CFAP299: variants seen among roughly 807,000 people sequenced by gnomAD.
The protein encoded by CFAP299 is cilia- and flagella-associated protein 299.
In CFAP299, 21 loss-of-function variants were observed where a neutral mutation model predicts 27.0. That is an observed-to-expected ratio of 0.78 (90% CI 0.55 to 1.12). The LOEUF (loss-of-function observed/expected upper bound fraction) is 1.12. Among genes scored for constraint, CFAP299 ranks in the 50% most tolerant of loss-of-function variants. CFAP299 has a pLI of 0.00. For missense variants in CFAP299, 310 were observed against 276.6 expected, an observed-to-expected ratio of 1.12 and a Z score of -0.86; for synonymous variants, 104 against 98.1, an observed-to-expected ratio of 1.06 and a Z score of -0.36.
At chr4:80,944,096 A>T (rs1366819210) in intron 4 of CFAP299, among the ~76,000 whole-genome samples, 1 of 151,616 alleles carries the variant, frequency 6.6e-6, no homozygotes, top group East Asian at 1.9e-4. Context: ...ATAAATAAAT[A>T]AATAAATAAA....
intron 4 of CFAP299, among the ~76,000 whole-genome samples, chr4:80,895,787 G>C (rs186197445): frequency 8.6e-5 from 13 of 151,978 alleles, no homozygotes; most frequent in Admixed American, 5.9e-4. Flanking sequence ...GGAAGGCAGT[G>C]GTAAGGAAAA....
At chr4:80,581,964 CTAAA>C (rs1402069180) in intron 2 of CFAP299, among the ~76,000 whole-genome samples, 1 of 151,822 alleles carries the variant, frequency 6.6e-6, no homozygotes, top group African/African-American at 2.4e-5. Context: ...TCTGGACTTA[CTAAA>C]TATTTATAAC....
intron 2 of CFAP299, among the ~76,000 whole-genome samples, chr4:80,436,493 G>A (rs1728089319): frequency 2.0e-5 from 3 of 152,010 alleles, no homozygotes; most frequent in South Asian, 4.2e-4. Context: ...TAGTAGAGAC[G>A]GGGTTTCACC....
intron 2 of CFAP299, among the ~76,000 whole-genome samples, chr4:80,413,133 ATG>A (rs1331300358): frequency 2.1e-5 from 3 of 145,520 alleles, no homozygotes; most frequent in Non-Finnish European, 4.6e-5. Context: ...GTGCGATAAC[ATG>A]AAAAGTATGG....
chr4:80,889,346 G>A (rs1022331851), intron 4 of CFAP299, among the ~76,000 whole-genome samples: 1 of 151,798 alleles, frequency 6.6e-6, no homozygotes. Context: ...GCTACTATGA[G>A]CAAATATATG....
At chr4:80,776,049 G>T (rs987356686) in intron 3 of CFAP299, among the ~76,000 whole-genome samples, 3 of 151,988 alleles carry the variant, frequency 2.0e-5, no homozygotes, top group African/African-American at 7.3e-5. Context: ...GTTGCTGTTA[G>T]GTTCAAAGCA....
rs572646633 is a variant in CFAP299, at chr4:80,604,942, C to T, written c.333+21759C>T. Among the ~76,000 whole-genome samples the T allele has an allele frequency of 2.7e-5, 4 of 149,326 alleles. No homozygotes were observed. The South Asian group carries it at 8.5e-4, about 32-fold the overall frequency. ...GGAAAGGATAAGGGAGAGGAGAATT[C>T]TGAACTGCCCAAATATTTTCCTCAG... is the stretch of plus-strand genomic sequence containing the variant. On this transcript the variant is annotated intron_variant, in intron 3 of 5. Coordinates refer to ENST00000358105, the MANE Select transcript of CFAP299 (RefSeq NM_152770.3).
intron 3 of CFAP299, among the ~76,000 whole-genome samples, chr4:80,687,737 C>G (rs900509189): frequency 6.6e-6 from 1 of 152,168 alleles, no homozygotes; most frequent in African/African-American, 2.4e-5. Context: ...GCGTGAGCGA[C>G]GCAGAAGACA....
intron 3 of CFAP299, among the ~76,000 whole-genome samples, chr4:80,686,119 G>T (rs894421813): frequency 2.7e-5 from 4 of 149,538 alleles, no homozygotes; most frequent in African/African-American, 1.0e-4. Flanking sequence ...TAAATCCATG[G>T]GAACTTTAAT....
At chr4:80,614,235 A>G (rs1471545501) in intron 3 of CFAP299, among the ~76,000 whole-genome samples, 1 of 152,174 alleles carries the variant, frequency 6.6e-6, no homozygotes, top group East Asian at 1.9e-4. Flanking sequence ...GATTAAAATT[A>G]ACGGCTACTT....
intron 2 of CFAP299, among the ~76,000 whole-genome samples, chr4:80,425,074 G>C (rs1265390581): frequency 6.6e-6 from 1 of 152,068 alleles, no homozygotes; most frequent in Non-Finnish European, 1.5e-5. Context: ...CGGTATGTCT[G>C]TTGCTGTGGT....
intron 3 of CFAP299, among the ~76,000 whole-genome samples, chr4:80,592,915 A>G (rs527237757): frequency 6.6e-6 from 1 of 152,224 alleles, no homozygotes; most frequent in Non-Finnish European, 1.5e-5. Context: ...TTTAGCAATC[A>G]TGTTTACTTC....
chr4:80,459,110 A>G (rs1306261462), intron 2 of CFAP299, among the ~76,000 whole-genome samples: 3 of 152,106 alleles, frequency 2.0e-5, no homozygotes, highest in African/African-American at 7.2e-5. Context: ...CCTCCCTAAC[A>G]GTTAGGACTA....
chr4:80,602,019 A>G (rs1395980486), intron 3 of CFAP299, among the ~76,000 whole-genome samples: 1 of 152,200 alleles, frequency 6.6e-6, no homozygotes, highest in Non-Finnish European at 1.5e-5. Flanking sequence ...ATGAGAACAC[A>G]TGGATGCTTA....
intron 3 of CFAP299, among the ~76,000 whole-genome samples, chr4:80,856,418 T>A (rs1428327929): frequency 1.3e-5 from 2 of 151,724 alleles, no homozygotes; most frequent in African/African-American, 4.9e-5. Flanking sequence ...TTAGATCCCA[T>A]TTGTCAATTT....
intron 2 of CFAP299, among the ~76,000 whole-genome samples, chr4:80,461,755 C>T (rs1376149015): frequency 1.3e-5 from 2 of 152,120 alleles, no homozygotes; most frequent in African/African-American, 2.4e-5. Context: ...CAGGGATCAT[C>T]CTGTATTTCA....
intron 2 of CFAP299, among the ~76,000 whole-genome samples, chr4:80,503,641 T>G (rs1731847924): frequency 6.6e-6 from 1 of 152,114 alleles, no homozygotes; most frequent in South Asian, 2.1e-4. Flanking sequence ...TCAAAAGGCC[T>G]AGAACGGTGG....
chr4:80,392,479 G>C (rs1043644232), intron 2 of CFAP299, among the ~76,000 whole-genome samples: 3 of 152,106 alleles, frequency 2.0e-5, no homozygotes, highest in African/African-American at 7.2e-5. Flanking sequence ...TTACATCAAG[G>C]GAGTGGTTCC....
chr4:80,881,625 T>C (rs1733712276), intron 4 of CFAP299, among the ~76,000 whole-genome samples: 1 of 152,164 alleles, frequency 6.6e-6, no homozygotes, highest in African/African-American at 2.4e-5. Context: ...TCTGGACTAG[T>C]ACATAAAGCT....
Sources: allele counts gnomAD v4.1 joint callset (sites outside exome capture counted in the v4.1 genomes callset), GRCh38; gene constraint gnomAD v4.1.1; transcripts MANE v1.5; gene names NCBI Gene and HGNC (gene_info 2026-07-23, HGNC 2026-07-21).